TEX29: variants seen among roughly 807,000 people sequenced by gnomAD.
The protein encoded by TEX29 is testis-expressed protein 29.
Under a neutral mutation model 18.2 loss-of-function variants are expected in TEX29, and 26 were observed. The ratio of observed to expected loss-of-function variants is 1.43; its 90% CI spans 1.04 to 1.98. The LOEUF (loss-of-function observed/expected upper bound fraction) is 1.98, where lower values mean the gene tolerates loss of function less well. TEX29 is among the 30% of genes most tolerant of loss of function. The probability of loss-of-function intolerance (pLI) is 0.00; values close to 1 mark genes in which losing one functional copy is unlikely to be tolerated. For missense variants in TEX29, 177 were observed against 194.2 expected (o/e 0.91, Z 0.53); for synonymous variants, 83 against 78.5 (o/e 1.06, Z -0.31).
intron 3 of TEX29, among the ~76,000 whole-genome samples, chr13:111,334,764 C>T (rs911407740): frequency 6.6e-6 from 1 of 152,222 alleles, no homozygotes; most frequent in Non-Finnish European, 1.5e-5. Flanking sequence ...AAGCTGTTCT[C>T]ACCGAATGAG....
chr13:111,325,093 C>G (rs1479732749), intron 2 of TEX29, among the ~76,000 whole-genome samples: 1 of 152,190 alleles, frequency 6.6e-6, no homozygotes, highest in Non-Finnish European at 1.5e-5. Context: ...ACCTGGCACC[C>G]CTCAGCCAGG....
At chr13:111,326,676 G>A (rs1280941393) in intron 2 of TEX29, among the ~76,000 whole-genome samples, 1 of 125,190 alleles carries the variant, frequency 8.0e-6, no homozygotes, top group Non-Finnish European at 1.7e-5. Flanking sequence ...TGGAGACTGC[G>A]GGCAACGTGA....
intron 2 of TEX29, among the ~76,000 whole-genome samples, chr13:111,322,188 G>T (rs77128601): frequency 0.065 from 9,952 of 152,332 alleles, 386 homozygotes; most frequent in Non-Finnish European, 0.073. Flanking sequence ...CACACCAGGG[G>T]GGCAGCTATC....
At chr13:111,317,425 TG>T (rs2093656360), upstream of TEX29, among the ~76,000 whole-genome samples, 1 of 152,146 alleles carries the variant, frequency 6.6e-6, no homozygotes, top group Non-Finnish European at 1.5e-5. Flanking sequence ...CGTTGCCCTC[TG>T]GTGCCCTGGT....
upstream of TEX29, among the ~76,000 whole-genome samples, chr13:111,319,838 G>C (rs2093660910): frequency 6.6e-6 from 1 of 152,226 alleles, no homozygotes; most frequent in Admixed American, 6.5e-5. Flanking sequence ...CCCTCCGGCA[G>C]TTGCCTGCCT....
At chr13:111,317,983 G>A (rs552078488), upstream of TEX29, among the ~76,000 whole-genome samples, 19 of 152,262 alleles carry the variant, frequency 1.2e-4, no homozygotes, top group South Asian at 3.9e-3. Flanking sequence ...CGATTACATC[G>A]GCAAAGACCC....
intron 3 of TEX29, among the ~76,000 whole-genome samples, chr13:111,333,377 C>G (rs961369693): frequency 6.6e-6 from 1 of 152,198 alleles, no homozygotes; most frequent in African/African-American, 2.4e-5. Flanking sequence ...TCCCACAGAC[C>G]TCTAAGGCTG....
intron 3 of TEX29, among the ~76,000 whole-genome samples, chr13:111,336,699 C>T (rs773446312): frequency 3.3e-5 from 5 of 152,188 alleles, no homozygotes; most frequent in Admixed American, 2.6e-4. Context: ...TTTACCAAGA[C>T]GTTTCTTAAA....
intron 3 of TEX29, among the ~76,000 whole-genome samples, chr13:111,332,833 T>C (rs529600528): frequency 6.6e-6 from 1 of 152,368 alleles, no homozygotes; most frequent in African/African-American, 2.4e-5. Flanking sequence ...TTAATGGTGC[T>C]CTTTATTACT....
chr13:111,331,316 A>ATTTTTTTTTTTTTTTTTTTTT (rs56208500), intron 3 of TEX29, among the ~76,000 whole-genome samples: 1 of 131,040 alleles, frequency 7.6e-6, no homozygotes, highest in Non-Finnish European at 1.6e-5. Context: ...CCATTGTTGC[A>ATTTTTTTTTTTTTTTTTTTTT]TTTTTTTTTT....
At chr13:111,334,887 G>A (rs1053471628) in intron 3 of TEX29, among the ~76,000 whole-genome samples, 3 of 152,168 alleles carry the variant, frequency 2.0e-5, no homozygotes, top group Non-Finnish European at 4.4e-5. Flanking sequence ...CCGCTGCAGT[G>A]GCTGCCAGGC....
chr13:111,333,501 A>C (rs1417710965), intron 3 of TEX29, among the ~76,000 whole-genome samples: 1 of 152,224 alleles, frequency 6.6e-6, no homozygotes, highest in Non-Finnish European at 1.5e-5. Context: ...GCTGTTGAGC[A>C]TCTCCAGTGA....
chr13:111,323,575 T>G (rs772571030), intron 2 of TEX29, among the ~76,000 whole-genome samples: 7 of 152,232 alleles, frequency 4.6e-5, no homozygotes, highest in Non-Finnish European at 7.3e-5. Flanking sequence ...AGCCACTGCT[T>G]CTTCTCCACA....
At chr13:111,323,122 G>A (rs2093667363) in intron 2 of TEX29, among the ~76,000 whole-genome samples, 1 of 152,228 alleles carries the variant, frequency 6.6e-6, no homozygotes, top group South Asian at 2.1e-4. Flanking sequence ...CCATGTGGGT[G>A]CAGAGCCCTG....
In TEX29 at chr13:111,339,854, A is replaced by G. The variant is rs1224980390; in HGVS notation, c.170-9A>G. 6.2e-7 allele frequency: 1 copy of G among 1,612,952 alleles called. No homozygotes were observed. Among genetic ancestry groups the G allele is most frequent in the Non-Finnish European group, 8.5e-7 (1 of 1,179,714 alleles). On this transcript the variant is annotated splice_polypyrimidine_tract_variant and intron_variant, in intron 3 of 5. Coordinates refer to ENST00000283547, the MANE Select transcript of TEX29 (RefSeq NM_152324.3). ...GATCGAAATGACTTCAAATCCCACC[A>G]TTTTTCAGTTTACATCCACGTGTTC... is the stretch of plus-strand genomic sequence containing the variant.
At position 111,342,876 on chromosome 13, in the gene TEX29, T is replaced by C. The variant is rs772791131; in HGVS notation, c.360T>C (p.Ser120=). 12 of 1,613,912 alleles carry C rather than the reference T, an allele frequency of 7.4e-6. No individual in the cohort carries two copies. The South Asian group carries it at 1.1e-4, about 15-fold the overall frequency. ...SSSKLGLKPA[S]PGPPSAGPSM... Reference sequence around the variant, plus strand: ...GCAAGTTAGGGCTGAAGCCTGCGAGTCCTGGGCCTCCAAGTGCTGGGCCCT... The same window carrying C: ...GCAAGTTAGGGCTGAAGCCTGCGAGCCCTGGGCCTCCAAGTGCTGGGCCCT... Residue 120 remains serine (S), a synonymous_variant, in exon 5 of 6, where the codon AGT becomes AGC. Transcript: ENST00000283547.
rs45474991 is a variant in TEX29, at chr13:111,342,822, C to T, written c.306C>T (p.Ser102=). The T allele has an allele frequency of 0.012, 19,881 of 1,614,046 alleles. 158 individuals are homozygous for T. Among genetic ancestry groups the T allele is most frequent in the Non-Finnish European group, 0.015 (18,037 of 1,180,020 alleles). Residue 102 remains serine, a synonymous_variant, in exon 5 of 6, where the codon AGC becomes AGT. Transcript: ENST00000283547. ...PVDVALPQKS[S]EKAELASSSS... Reference sequence around the variant, plus strand: ...ATGTCGCGCTGCCACAGAAGTCCAGCGAAAAGGCGGAGTTGGCCTCATCCA... The same window carrying T: ...ATGTCGCGCTGCCACAGAAGTCCAGTGAAAAGGCGGAGTTGGCCTCATCCA...
At position 111,342,941 on chromosome 13, in the gene TEX29, T is replaced by G. The variant is rs1417094469; in HGVS notation, c.415+10T>G. The G allele has an allele frequency of 5.0e-6, 8 of 1,612,700 alleles. No homozygotes were observed. Among genetic ancestry groups the G allele is most frequent in the Non-Finnish European group, 6.8e-6 (8 of 1,178,952 alleles). Reference sequence around the variant, plus strand: ...GAGGATAAGGATGATGGTGAGAAGCTTCTGGAATGATCCTCAGCCTAAGGT... The same window carrying G: ...GAGGATAAGGATGATGGTGAGAAGCGTCTGGAATGATCCTCAGCCTAAGGT... On this transcript the variant is annotated intron_variant, in intron 5 of 5. Coordinates refer to ENST00000283547, the MANE Select transcript of TEX29 (RefSeq NM_152324.3).
rs2093701187 is a variant in TEX29 at position 111,344,195 on chromosome 13, A to C, written c.*72A>C. The C allele has an allele frequency of 7.7e-7, 1 of 1,303,892 alleles. No homozygotes were observed. Among genetic ancestry groups the C allele is most frequent in the Non-Finnish European group, 1.1e-6 (1 of 915,034 alleles). 80.8% of individuals were successfully genotyped at this position (1,303,892 alleles called of 1,614,324 possible). A position where few individuals can be genotyped will look rare whatever the true frequency, so the allele number is the denominator to read the frequency against. On this transcript the variant is annotated 3_prime_UTR_variant, in exon 6 of 6. Transcript: ENST00000283547. ...ATGGTACAGCAGGTGCACTGTTAAC[A>C]GTGTGATGGAATGACCACCCAAAGA...
Sources: allele counts gnomAD v4.1 joint callset (sites outside exome capture counted in the v4.1 genomes callset), GRCh38; gene constraint gnomAD v4.1.1; transcripts MANE v1.5; gene names NCBI Gene and HGNC (gene_info 2026-07-23, HGNC 2026-07-21).